PLXNA2: variants seen among roughly 807,000 people sequenced by gnomAD.
The protein encoded by PLXNA2 is plexin A2.
In PLXNA2, 91 loss-of-function variants were observed where a neutral mutation model predicts 193.5. The observed-to-expected ratio is 0.47, with a 90% CI of 0.40 to 0.56. The LOEUF is 0.56. Ranked by LOEUF, PLXNA2 falls within the 20% of genes least tolerant of loss-of-function variation. The pLI is 0.00. For synonymous variants in PLXNA2, 997 were observed against 1,027.3 expected, an observed-to-expected ratio of 0.97 and a Z score of 0.56; for missense variants, 1,995 against 2,503.2, an observed-to-expected ratio of 0.80 and a Z score of 4.33.
At position 208,175,161 on chromosome 1, in the gene PLXNA2, G is replaced by A. The variant is rs75524034; in HGVS notation, c.1372-32698C>T. On this transcript the variant is annotated intron_variant, in intron 3 of 31. Coordinates refer to ENST00000367033, the MANE Select transcript of PLXNA2 (RefSeq NM_025179.4). ...GGAGAAGGTATATGATGAGTGAACC[G>A]GAACACCTGGAGACCCTGTACCTGA... Among the ~76,000 whole-genome samples, 629 of 152,286 alleles carry A rather than the reference G, an allele frequency of 4.1e-3. 6 individuals are homozygous for A. The highest frequency in any genetic ancestry group is 0.014 in the African/African-American group (599 of 41,548).
intron 3 of PLXNA2, among the ~76,000 whole-genome samples, chr1:208,172,881 G>T (rs1460215856): frequency 6.6e-6 from 1 of 152,146 alleles, no homozygotes; most frequent in Non-Finnish European, 1.5e-5. Flanking sequence ...CCTTCTAGCA[G>T]CTCCCAGTGA....
intron 1 of PLXNA2, among the ~76,000 whole-genome samples, chr1:208,233,625 G>C (rs530610783): frequency 6.6e-6 from 1 of 152,210 alleles, no homozygotes; most frequent in Non-Finnish European, 1.5e-5. Flanking sequence ...ATCCAAGCTG[G>C]GGCGACCCTC....
Position 208,074,232 on chromosome 1 carries a change from C to T in PLXNA2, c.2586+5028G>A, listed in dbSNP as rs532100267. On this transcript the variant is annotated intron_variant, in intron 12 of 31. Transcript: ENST00000367033. ...TTTCCAGTCTGTGGCTCCTAACACC[C>T]TCCTCTTTGAGGTCCCAGCAGGTCC... 4.5e-4 allele frequency among the ~76,000 whole-genome samples: 68 copies of T among 152,328 alleles called. 1 individual carries two copies. In the South Asian group the frequency reaches 0.011, roughly 26 times the overall value.
At chr1:208,085,384 C>G (rs1666484811) in intron 9 of PLXNA2, among the ~76,000 whole-genome samples, 1 of 152,220 alleles carries the variant, frequency 6.6e-6, no homozygotes, top group Non-Finnish European at 1.5e-5. Flanking sequence ...CAGGGAATCA[C>G]TAGGGGAATT....
At chr1:208,064,994 G>A (rs1665745134) in intron 12 of PLXNA2, among the ~76,000 whole-genome samples, 1 of 152,188 alleles carries the variant, frequency 6.6e-6, no homozygotes, top group Non-Finnish European at 1.5e-5. Context: ...TGGAAGCCAA[G>A]TCTGGCCTTT....
At chr1:208,235,335 G>C (rs1193063937) in intron 1 of PLXNA2, among the ~76,000 whole-genome samples, 1 of 152,192 alleles carries the variant, frequency 6.6e-6, no homozygotes, top group Non-Finnish European at 1.5e-5. Flanking sequence ...AATTTGGAGA[G>C]AGAGGGGGAA....
chr1:208,157,542 G>T (rs1668974088), intron 3 of PLXNA2, among the ~76,000 whole-genome samples: 1 of 152,178 alleles, frequency 6.6e-6, no homozygotes, highest in South Asian at 2.1e-4. Context: ...CTGAGTGAGG[G>T]TCTGGGCTAC....
chr1:208,150,648 G>A (rs371085021), intron 3 of PLXNA2, among the ~76,000 whole-genome samples: 70 of 152,130 alleles, frequency 4.6e-4, no homozygotes, highest in Middle Eastern at 3.2e-3. Flanking sequence ...AAATTGTGGC[G>A]TCTCTGCTCC....
intron 3 of PLXNA2, among the ~76,000 whole-genome samples, chr1:208,167,993 T>C (rs1304906141): frequency 6.6e-6 from 1 of 152,218 alleles, no homozygotes; most frequent in African/African-American, 2.4e-5. Flanking sequence ...ATGTGCTATA[T>C]GCAGCAGCTT....
chr1:208,029,884 G>T, intron 29 of PLXNA2: 2 of 985,614 alleles, frequency 2.0e-6, no homozygotes, highest in Non-Finnish European at 2.4e-6. Flanking sequence ...TTCTCTTCCA[G>T]CTGCCTTCTG....
rs144901721 is a variant in PLXNA2, at chr1:208,142,705, C to T, written c.1372-242G>A. On this transcript the variant is annotated intron_variant, in intron 3 of 31. Coordinates refer to ENST00000367033, the MANE Select transcript of PLXNA2 (RefSeq NM_025179.4). ...GTGGATTTATTTGTGTGTGCATATACGCCCTTGGGAATGATTTTGAATATC... is the reference window on the plus strand; with the variant it reads ...GTGGATTTATTTGTGTGTGCATATATGCCCTTGGGAATGATTTTGAATATC... Among the ~76,000 whole-genome samples the T allele has an allele frequency of 5.2e-3, 799 of 152,324 alleles. 6 individuals are homozygous for T. The highest frequency in any genetic ancestry group is 7.4e-3 in the Non-Finnish European group (506 of 68,024).
In PLXNA2 at chr1:208,026,080, G is replaced by T. The variant is rs756068033; in HGVS notation, c.*1163C>A. 5.9e-5 allele frequency: 9 copies of T among 152,644 alleles called. No individual in the cohort carries two copies. The highest frequency in any genetic ancestry group is 1.2e-4 in the Non-Finnish European group (8 of 68,044). 9.5% of individuals were successfully genotyped at this position (152,644 alleles called of 1,614,324 possible). On this transcript the variant is annotated 3_prime_UTR_variant, in exon 32 of 32. Coordinates refer to ENST00000367033, the MANE Select transcript of PLXNA2 (RefSeq NM_025179.4). ...CTTCAAGTATTGCTTGCTGTAAACA[G>T]TGTTTGATTTTTGTTTTCTTTTTAA...
At chr1:208,076,793 T>C (rs1373583742) in intron 12 of PLXNA2, among the ~76,000 whole-genome samples, 4 of 152,216 alleles carry the variant, frequency 2.6e-5, no homozygotes, top group Non-Finnish European at 5.9e-5. Flanking sequence ...GGTGGGACAA[T>C]TGGCAGAATA....
At position 208,118,752 on chromosome 1, in the gene PLXNA2, CT is replaced by C. The variant is rs201391277; in HGVS notation, c.1507-15506del. On this transcript the variant is annotated intron_variant, in intron 4 of 31. Transcript: ENST00000367033. The stretch of plus-strand genomic sequence containing the variant: ...AGAGAGACAAAGATACATTTTTTTT[CT>C]TTTTTTTTTAAAAGAGGTGCTTAGG... Among the ~76,000 whole-genome samples the C allele has an allele frequency of 6.1e-4, 91 of 148,278 alleles. 1 individual carries two copies. Among genetic ancestry groups the C allele is most frequent in the African/African-American group, 2.0e-3 (83 of 40,546 alleles).
chr1:208,200,415 G>A (rs1489724484), intron 3 of PLXNA2, among the ~76,000 whole-genome samples: 1 of 152,106 alleles, frequency 6.6e-6, no homozygotes, highest in African/African-American at 2.4e-5. Flanking sequence ...CTACACAAGT[G>A]ACTTAGGTAT....
intron 4 of PLXNA2, among the ~76,000 whole-genome samples, chr1:208,132,668 T>C (rs1036518242): frequency 1.3e-5 from 2 of 152,148 alleles, no homozygotes; most frequent in Non-Finnish European, 2.9e-5. Context: ...GTTAAGCTTT[T>C]TTTAGGTGTG....
chr1:208,241,479 C>A (rs1163364224), intron 1 of PLXNA2, among the ~76,000 whole-genome samples: 1 of 152,150 alleles, frequency 6.6e-6, no homozygotes, highest in Non-Finnish European at 1.5e-5. Flanking sequence ...CTAGCCAGCC[C>A]CCCTGTCCTG....
At chr1:208,149,963 G>A (rs924297524) in intron 3 of PLXNA2, among the ~76,000 whole-genome samples, 1 of 152,200 alleles carries the variant, frequency 6.6e-6, no homozygotes, top group Non-Finnish European at 1.5e-5. Flanking sequence ...TAAGCTTGCA[G>A]AGTCAAAACT....
chr1:208,224,049 G>A (rs1162525461), intron 1 of PLXNA2, among the ~76,000 whole-genome samples: 1 of 152,186 alleles, frequency 6.6e-6, no homozygotes, highest in African/African-American at 2.4e-5. Flanking sequence ...CATATCCCTT[G>A]TGCAGCTGTA....
Sources: allele counts gnomAD v4.1 joint callset (sites outside exome capture counted in the v4.1 genomes callset), GRCh38; gene constraint gnomAD v4.1.1; transcripts MANE v1.5; gene names NCBI Gene and HGNC (gene_info 2026-07-23, HGNC 2026-07-21).